Variants in SMIM36 observed in about 807,000 individuals in gnomAD.
SMIM36 encodes the protein small integral membrane protein 36.
At chr17:55,491,764 A>G (rs1909709610) in intron 1 of SMIM36, among the ~76,000 whole-genome samples, 1 of 152,234 alleles carries the variant, frequency 6.6e-6, no homozygotes, top group Non-Finnish European at 1.5e-5. Context: ...AAGATGAAGT[A>G]AAGCTGATAG....
chr17:55,515,068 T>G (rs1471453797), upstream of SMIM36, among the ~76,000 whole-genome samples: 1 of 150,286 alleles, frequency 6.7e-6, no homozygotes, highest in Non-Finnish European at 1.5e-5. Context: ...AAGCAATGTT[T>G]TTGAATTCTA....
At chr17:55,460,740 C>CCCAGCTA (rs1909134035) in intron 4 of SMIM36, among the ~76,000 whole-genome samples, 1 of 152,064 alleles carries the variant, frequency 6.6e-6, no homozygotes, top group Non-Finnish European at 1.5e-5. Flanking sequence ...TGCCTGTAGT[C>CCCAGCTA]CCAGCTACTC....
At chr17:55,452,367 T>A (rs187118082) in intron 4 of SMIM36, among the ~76,000 whole-genome samples, 50 of 152,258 alleles carry the variant, frequency 3.3e-4, no homozygotes, top group Admixed American at 5.2e-4. Context: ...ATACACACAG[T>A]TTCGTGTATA....
chr17:55,515,726 C>T (rs548511662), upstream of SMIM36, among the ~76,000 whole-genome samples: 6 of 152,312 alleles, frequency 3.9e-5, no homozygotes, highest in Non-Finnish European at 7.3e-5. Flanking sequence ...CCCTCAGAGC[C>T]TCCAGAAGTA....
At chr17:55,519,338 G>A in the SMIM36 span, among the ~76,000 whole-genome samples, 1 of 152,162 alleles carries the variant, frequency 6.6e-6, no homozygotes, top group Non-Finnish European at 1.5e-5. Flanking sequence ...CACTGGGTAA[G>A]GAGGGATATG....
the SMIM36 span, among the ~76,000 whole-genome samples, chr17:55,528,590 T>C: frequency 1.3e-5 from 2 of 151,456 alleles, no homozygotes; most frequent in African/African-American, 4.9e-5. Flanking sequence ...CTCACTTTTG[T>C]TGTCCAGGCT....
chr17:55,485,097 G>T (rs1909581513), intron 1 of SMIM36, among the ~76,000 whole-genome samples: 1 of 152,042 alleles, frequency 6.6e-6, no homozygotes, highest in African/African-American at 2.4e-5. Context: ...GAAATACAGA[G>T]GGGTAAAATG....
At chr17:55,476,101 T>G (rs1909421837) in intron 3 of SMIM36, among the ~76,000 whole-genome samples, 1 of 152,192 alleles carries the variant, frequency 6.6e-6, no homozygotes, top group Non-Finnish European at 1.5e-5. Context: ...GAGCCCAAGC[T>G]AAGCCATCAT....
chr17:55,499,839 A>C (rs1465343497), intron 1 of SMIM36, among the ~76,000 whole-genome samples: 3 of 152,178 alleles, frequency 2.0e-5, no homozygotes, highest in Non-Finnish European at 4.4e-5. Flanking sequence ...ATTAGGTGGA[A>C]CCTTGCAGTT....
chr17:55,454,361 C>G (rs541473549), intron 4 of SMIM36, among the ~76,000 whole-genome samples: 1 of 152,258 alleles, frequency 6.6e-6, no homozygotes, highest in African/African-American at 2.4e-5. Flanking sequence ...CCGCTGAGGT[C>G]AGCAATCATC....
the SMIM36 span, among the ~76,000 whole-genome samples, chr17:55,529,653 G>A: frequency 1.3e-5 from 2 of 150,094 alleles, no homozygotes; most frequent in Admixed American, 6.6e-5. Flanking sequence ...GTATCCAGAT[G>A]TGGTGGCACG....
chr17:55,456,266 A>G (rs1909021737), intron 4 of SMIM36, among the ~76,000 whole-genome samples: 1 of 151,410 alleles, frequency 6.6e-6, no homozygotes, highest in African/African-American at 2.4e-5. Context: ...AATTTTCCCT[A>G]TACAAGTCAC....
chr17:55,502,488 T>C (rs10438752), intron 1 of SMIM36, among the ~76,000 whole-genome samples: 52 of 104,538 alleles, frequency 5.0e-4, no homozygotes, highest in African/African-American at 8.7e-4. Flanking sequence ...CGGCAGGGTA[T>C]TCCAACAGAC....
At chr17:55,503,264 C>T (rs2144719978) in intron 1 of SMIM36, among the ~76,000 whole-genome samples, 1 of 97,752 alleles carries the variant, frequency 1.0e-5, no homozygotes, top group Non-Finnish European at 2.0e-5. Flanking sequence ...CTCCAAGACA[C>T]ATAATTGTCA....
intron 3 of SMIM36, among the ~76,000 whole-genome samples, chr17:55,472,276 G>A (rs1005847620): frequency 1.3e-5 from 2 of 152,110 alleles, no homozygotes; most frequent in East Asian, 3.8e-4. Flanking sequence ...CTCCATTATC[G>A]AAGCTGCTGC....
chr17:55,474,839 A>T (rs1909402781), intron 3 of SMIM36, among the ~76,000 whole-genome samples: 1 of 152,108 alleles, frequency 6.6e-6, no homozygotes, highest in African/African-American at 2.4e-5. Context: ...AAATTTCGAA[A>T]AGGGATTTAA....
intron 3 of SMIM36, chr17:55,468,440 T>TA: frequency 6.5e-6 from 1 of 153,236 alleles, no homozygotes. Flanking sequence ...TCCGTCAACT[T>TA]AAAAACTCCG....
chr17:55,463,680 G>T (rs183191211), intron 4 of SMIM36, among the ~76,000 whole-genome samples: 9 of 152,298 alleles, frequency 5.9e-5, no homozygotes, highest in Admixed American at 1.3e-4. Flanking sequence ...ATAGGAGAAT[G>T]TTGATTAGTA....
chr17:55,451,575 A>G (rs1035927197), intron 4 of SMIM36, among the ~76,000 whole-genome samples: 3 of 152,194 alleles, frequency 2.0e-5, no homozygotes, highest in African/African-American at 7.2e-5. Flanking sequence ...TCTTGTCACT[A>G]GATTAAAAAT....
Sources: gnomAD v4.1 joint callset for allele counts (sites outside exome capture counted in the v4.1 genomes callset) on GRCh38, gnomAD v4.1.1 for gene constraint, MANE v1.5 for transcripts, NCBI Gene and HGNC (gene_info 2026-07-23, HGNC 2026-07-21) for gene names.